The following BLTP3B variants were observed in gnomAD, a reference collection of about 807,000 sequenced individuals.
BLTP3B encodes the protein UHRF1 (ICBP90) binding protein 1-like.
At chr12:100,070,256 A>T in the BLTP3B span, 1 of 1,424,260 alleles carries the variant, frequency 7.0e-7, no homozygotes, top group South Asian at 1.5e-5. Context: ...AGATAGGATT[A>T]AATGCCAGAA....
At chr12:100,048,757 A>AGAGAGAGT in the BLTP3B span, among the ~76,000 whole-genome samples, 3 of 133,226 alleles carry the variant, frequency 2.3e-5, no homozygotes, top group Non-Finnish European at 4.7e-5. Context: ...AGAGAGAGAG[A>AGAGAGAGT]GAGAGTGAGA....
At chr12:100,048,730 G>T in the BLTP3B span, among the ~76,000 whole-genome samples, 3 of 137,952 alleles carry the variant, frequency 2.2e-5, no homozygotes, top group South Asian at 4.9e-4. Context: ...TTATAGTAAG[G>T]GGGGGGAGAG....
chr12:100,130,149 G>T, the BLTP3B span, among the ~76,000 whole-genome samples: 2 of 152,102 alleles, frequency 1.3e-5, no homozygotes, highest in Admixed American at 6.6e-5. Flanking sequence ...TAGCAGAAAC[G>T]GGGTTTCACC....
the BLTP3B span, among the ~76,000 whole-genome samples, chr12:100,041,429 CTTTTTTTTTTTT>C: frequency 3.9e-5 from 4 of 101,812 alleles, no homozygotes; most frequent in South Asian, 3.2e-4. Flanking sequence ...GCTATTGTTA[CTTTTTTTTTTTT>C]TTTTTTTTTT....
At chr12:100,071,841 T>C in the BLTP3B span, among the ~76,000 whole-genome samples, 1 of 152,352 alleles carries the variant, frequency 6.6e-6, no homozygotes, top group Admixed American at 6.5e-5. Flanking sequence ...ATAGCTGACA[T>C]ATAAATGGAG....
chr12:100,052,739 C>A, the BLTP3B span, among the ~76,000 whole-genome samples: 1 of 149,454 alleles, frequency 6.7e-6, no homozygotes, highest in South Asian at 2.1e-4. Context: ...ATCAGCAGTA[C>A]AGTGGAAAAC....
At chr12:100,130,827 G>A in the BLTP3B span, among the ~76,000 whole-genome samples, 2 of 152,120 alleles carry the variant, frequency 1.3e-5, no homozygotes, top group Non-Finnish European at 2.9e-5. Flanking sequence ...GAGAGGCTGA[G>A]GCAGGAGAAT....
chr12:100,039,603 C>T, the BLTP3B span: 1 of 1,612,220 alleles, frequency 6.2e-7, no homozygotes, highest in African/African-American at 1.3e-5. Flanking sequence ...TACCTGTTCC[C>T]TAGTGAAGTC....
At chr12:100,086,888 C>T in the BLTP3B span, among the ~76,000 whole-genome samples, 2 of 152,100 alleles carry the variant, frequency 1.3e-5, no homozygotes, top group African/African-American at 2.4e-5. Flanking sequence ...AGGCTGGGCG[C>T]GGTGGCTCAC....
the BLTP3B span, among the ~76,000 whole-genome samples, chr12:100,053,050 C>T: frequency 4.6e-5 from 7 of 151,876 alleles, no homozygotes; most frequent in South Asian, 1.5e-3. Context: ...GCCTCGGCCT[C>T]CCAAAATGCT....
At chr12:100,098,249 GA>G in the BLTP3B span, 3 of 1,297,514 alleles carry the variant, frequency 2.3e-6, no homozygotes, top group Non-Finnish European at 3.1e-6. Flanking sequence ...GTAATACAGA[GA>G]AAAGCAAAGT....
At chr12:100,115,720 C>T in the BLTP3B span, among the ~76,000 whole-genome samples, 1 of 151,884 alleles carries the variant, frequency 6.6e-6, no homozygotes, top group Non-Finnish European at 1.5e-5. Flanking sequence ...TGTGATCGTG[C>T]CACTGTACTC....
the BLTP3B span, among the ~76,000 whole-genome samples, chr12:100,124,643 G>C: frequency 6.6e-6 from 1 of 151,792 alleles, no homozygotes; most frequent in Admixed American, 6.6e-5. Flanking sequence ...TATTCAAGGA[G>C]GCTAACACAG....
At chr12:100,094,832 G>A in the BLTP3B span, among the ~76,000 whole-genome samples, 376 of 152,292 alleles carry the variant, frequency 2.5e-3, 1 homozygote, top group African/African-American at 8.6e-3. Context: ...TGAACTCCAG[G>A]TTGGGCTAAA....
the BLTP3B span, chr12:100,088,900 A>G: frequency 6.6e-7 from 1 of 1,524,272 alleles, no homozygotes; most frequent in South Asian, 1.3e-5. Flanking sequence ...GTTTGAAATA[A>G]GCAAGTTATT....
chr12:100,085,345 TCA>T, the BLTP3B span, among the ~76,000 whole-genome samples: 2 of 144,870 alleles, frequency 1.4e-5, no homozygotes, highest in Non-Finnish European at 3.0e-5. Context: ...AGGCCTTGGA[TCA>T]AAAAAAAAAA....
At chr12:100,141,365 T>C in the BLTP3B span, among the ~76,000 whole-genome samples, 1 of 151,782 alleles carries the variant, frequency 6.6e-6, no homozygotes, top group East Asian at 1.9e-4. Flanking sequence ...TGTATACACA[T>C]ATATATGTAG....
chr12:100,050,330 T>G, the BLTP3B span: 1 of 1,588,842 alleles, frequency 6.3e-7, no homozygotes. Flanking sequence ...TATTAATGAT[T>G]GCATAAATAA....
At chr12:100,114,887 C>T in the BLTP3B span, among the ~76,000 whole-genome samples, 1 of 152,190 alleles carries the variant, frequency 6.6e-6, no homozygotes, top group Non-Finnish European at 1.5e-5. Flanking sequence ...ACCTACACTC[C>T]TGTCACTCCA....
Sources: gnomAD v4.1 joint callset for allele counts (sites outside exome capture counted in the v4.1 genomes callset) on GRCh38, gnomAD v4.1.1 for gene constraint, MANE v1.5 for transcripts, NCBI Gene and HGNC (gene_info 2026-07-23, HGNC 2026-07-21) for gene names.